The following SLC35F4 variants were observed in gnomAD, a reference collection of about 807,000 sequenced individuals.
SLC35F4 encodes the protein solute carrier family 35 member F4.
A neutral mutation model predicts 44.2 loss-of-function variants in SLC35F4; 24 were observed. That is an observed-to-expected ratio of 0.54 (90% CI 0.39 to 0.76). SLC35F4 has a LOEUF of 0.76. SLC35F4 is among the 30% of genes least tolerant of loss of function. The pLI is 0.00. For missense variants in SLC35F4, 562 were observed against 586.1 expected, an observed-to-expected ratio of 0.96 and a Z score of 0.42; for synonymous variants, 238 against 223.6, an observed-to-expected ratio of 1.06 and a Z score of -0.57.
At chr14:57,733,943 GTTT>G (rs901884678) in intron 1 of SLC35F4, among the ~76,000 whole-genome samples, 1 of 152,014 alleles carries the variant, frequency 6.6e-6, no homozygotes, top group Non-Finnish European at 1.5e-5. Flanking sequence ...ATATGAAAAT[GTTT>G]TTGCTATTTT....
chr14:57,865,894 G>C lies in SLC35F4; in HGVS notation c.-69C>G. On this transcript the variant is annotated 5_prime_UTR_variant, in exon 1 of 8. Transcript: ENST00000556826. ...CGCAGCGCGGGGCCCGGGAGCTGGT[G>C]CAGGTGCCGGAGCCGCTGGTGCTGA... 1 of 1,137,608 alleles carries C rather than the reference G, an allele frequency of 8.8e-7. No individual in the cohort carries two copies. The highest frequency in any genetic ancestry group is 1.2e-6 in the Non-Finnish European group (1 of 829,894). The allele number at this position is 1,137,608 out of a possible 1,614,324, so 70.5% of individuals were successfully genotyped here. A position where few individuals can be genotyped will look rare whatever the true frequency, so the allele number is the denominator to read the frequency against.
In SLC35F4 at chr14:57,691,302, G is replaced by T. The variant is rs146291965; in HGVS notation, c.104-97178C>A. Among the ~76,000 whole-genome samples, 209 of 152,220 alleles carry T rather than the reference G, an allele frequency of 1.4e-3. 1 individual carries two copies. Among genetic ancestry groups the T allele is most frequent in the African/African-American group, 4.9e-3 (205 of 41,534 alleles). On this transcript the variant is annotated intron_variant, in intron 1 of 7. Transcript: ENST00000556826. Reference sequence around the variant, plus strand: ...TAGTTAACATATCACACACTATAATGGACTGAAACCTAACTTCTTTTTATA... The same window carrying T: ...TAGTTAACATATCACACACTATAATTGACTGAAACCTAACTTCTTTTTATA...
intron 1 of SLC35F4, among the ~76,000 whole-genome samples, chr14:57,692,515 C>T (rs560557764): frequency 7.2e-4 from 109 of 152,184 alleles, no homozygotes; most frequent in African/African-American, 2.4e-3. Flanking sequence ...CTTAATCTGA[C>T]GAAGTTCCCT....
At chr14:57,590,921 C>T (rs1044303933) in intron 2 of SLC35F4, among the ~76,000 whole-genome samples, 1 of 152,170 alleles carries the variant, frequency 6.6e-6, no homozygotes, top group Non-Finnish European at 1.5e-5. Flanking sequence ...TGTTAAAAAC[C>T]TTTACCCAGT....
intron 1 of SLC35F4, among the ~76,000 whole-genome samples, chr14:57,683,441 C>A (rs1311809746): frequency 2.0e-5 from 3 of 150,888 alleles, no homozygotes; most frequent in Non-Finnish European, 4.4e-5. Context: ...ATCCTGGAAC[C>A]ATTTTAGGAT....
chr14:57,731,388 T>C (rs772995165), intron 1 of SLC35F4, among the ~76,000 whole-genome samples: 33 of 152,240 alleles, frequency 2.2e-4, no homozygotes, highest in Non-Finnish European at 4.6e-4. Context: ...CTGATTGCTT[T>C]TGTGGAATCA....
chr14:57,644,642 G>T (rs929051123), intron 1 of SLC35F4, among the ~76,000 whole-genome samples: 20 of 151,998 alleles, frequency 1.3e-4, no homozygotes, highest in African/African-American at 4.3e-4. Flanking sequence ...GTCAATTTTG[G>T]CTTTTGTTGC....
Position 57,866,017 on chromosome 14 carries a change from C to T in SLC35F4, c.-192G>A, listed in dbSNP as rs1016367146. 3 of 325,132 alleles carry T rather than the reference C, an allele frequency of 9.2e-6. No homozygotes were observed. The highest frequency in any genetic ancestry group is 1.6e-5 in the Non-Finnish European group (3 of 188,300). The allele number at this position is 325,132 out of a possible 1,614,324, so 20.1% of individuals were successfully genotyped here. On this transcript the variant is annotated 5_prime_UTR_variant, in exon 1 of 8. Coordinates refer to ENST00000556826, the MANE Select transcript of SLC35F4 (RefSeq NM_001306087.2). ...GGCGGCGGCGGCGGCGGCGGCGGAG[C>T]GGCCCCCACTCGGGCCGGCCTCTCC... is the stretch of plus-strand genomic sequence containing the variant.
At chr14:57,792,460 A>G (rs11158176) in intron 1 of SLC35F4, among the ~76,000 whole-genome samples, 76,542 of 152,068 alleles carry the variant, frequency 0.5, 22,653 homozygotes, top group African/African-American at 0.81. Context: ...ACTTGCACAT[A>G]CATGTTTATA....
At chr14:57,795,458 G>A (rs1426907541) in intron 1 of SLC35F4, among the ~76,000 whole-genome samples, 2 of 152,062 alleles carry the variant, frequency 1.3e-5, no homozygotes, top group Non-Finnish European at 2.9e-5. Context: ...TGAACATATC[G>A]AAGTCATCAG....
At chr14:57,639,268 A>G (rs2073132125) in intron 1 of SLC35F4, among the ~76,000 whole-genome samples, 1 of 152,060 alleles carries the variant, frequency 6.6e-6, no homozygotes, top group Non-Finnish European at 1.5e-5. Context: ...TCTTGCCCTA[A>G]ATATATCCTG....
At chr14:57,619,198 T>A (rs2072036998) in intron 1 of SLC35F4, among the ~76,000 whole-genome samples, 1 of 152,082 alleles carries the variant, frequency 6.6e-6, no homozygotes, top group African/African-American at 2.4e-5. Flanking sequence ...CTGCTAAGGG[T>A]CAGACTCCCT....
chr14:57,690,899 A>G (rs1377425574), intron 1 of SLC35F4, among the ~76,000 whole-genome samples: 1 of 152,142 alleles, frequency 6.6e-6, no homozygotes, highest in Non-Finnish European at 1.5e-5. Context: ...AATACAGATG[A>G]AGCTTGGCTT....
chr14:57,570,576 C>T (rs2068448951), intron 5 of SLC35F4, among the ~76,000 whole-genome samples: 1 of 152,170 alleles, frequency 6.6e-6, no homozygotes, highest in Non-Finnish European at 1.5e-5. Flanking sequence ...AAATGGCTAA[C>T]ATAAAATCAC....
intron 1 of SLC35F4, among the ~76,000 whole-genome samples, chr14:57,828,551 C>G (rs1397010413): frequency 6.6e-6 from 1 of 152,182 alleles, no homozygotes; most frequent in African/African-American, 2.4e-5. Context: ...TTTCTTCACA[C>G]ACATCTCTCC....
intron 1 of SLC35F4, among the ~76,000 whole-genome samples, chr14:57,619,484 G>C (rs1490718764): frequency 6.6e-6 from 1 of 152,124 alleles, no homozygotes; most frequent in Non-Finnish European, 1.5e-5. Flanking sequence ...CAAAAAGAAA[G>C]GAATAGCATC....
chr14:57,809,141 A>C (rs1881683927), intron 1 of SLC35F4, among the ~76,000 whole-genome samples: 1 of 152,166 alleles, frequency 6.6e-6, no homozygotes, highest in Non-Finnish European at 1.5e-5. Flanking sequence ...AGCGAATTAC[A>C]GTTCTTGGCT....
chr14:57,755,450 T>C (rs1031660132), intron 1 of SLC35F4, among the ~76,000 whole-genome samples: 6 of 152,202 alleles, frequency 3.9e-5, no homozygotes, highest in African/African-American at 1.2e-4. Context: ...AATGTGGGGT[T>C]GACAACTGCT....
rs967729874 is a variant in SLC35F4, at chr14:57,736,768, G to A, written c.103+128955C>T. 4.6e-5 allele frequency among the ~76,000 whole-genome samples: 7 copies of A among 152,164 alleles called. No homozygotes were observed. The East Asian group carries it at 7.7e-4, about 17-fold the overall frequency. On this transcript the variant is annotated intron_variant, in intron 1 of 7. Coordinates refer to ENST00000556826, the MANE Select transcript of SLC35F4 (RefSeq NM_001306087.2). ...TGCAGAAAGCATTTTAGATGTCTCCGATAATGATTTTTCCAAAGCTTTGGC... is the reference window on the plus strand; with the variant it reads ...TGCAGAAAGCATTTTAGATGTCTCCAATAATGATTTTTCCAAAGCTTTGGC...
Sources: allele counts gnomAD v4.1 joint callset (sites outside exome capture counted in the v4.1 genomes callset), GRCh38; gene constraint gnomAD v4.1.1; transcripts MANE v1.5; gene names NCBI Gene and HGNC (gene_info 2026-07-23, HGNC 2026-07-21).